The following COG8 variants were observed in gnomAD, a reference collection of about 807,000 sequenced individuals.
COG8 encodes conserved oligomeric Golgi complex subunit 8.
A neutral mutation model predicts 46.5 loss-of-function variants in COG8; 45 were observed. The ratio of observed to expected loss-of-function variants is 0.97; its 90% CI spans 0.76 to 1.24. COG8 has a LOEUF of 1.24. Among genes scored for constraint, COG8 ranks in the 50% most tolerant of loss-of-function variants. The pLI is 0.00. For synonymous variants in COG8, 407 were observed against 347.8 expected (o/e 1.17, Z -1.90); for missense variants, 793 against 820.8 (o/e 0.97, Z 0.41).
At position 69,334,549 on chromosome 16, in the gene COG8, G is replaced by A; in HGVS notation, c.1385C>T (p.Thr462Ile). The A allele has an allele frequency of 6.2e-7, 1 of 1,614,228 alleles. No individual in the cohort carries two copies. Among genetic ancestry groups the A allele is most frequent in the Middle Eastern group, 1.6e-4 (1 of 6,062 alleles). Residue 462 changes from threonine to isoleucine, a missense_variant, in exon 3 of 6, where the codon ACT (threonine) becomes ATT (isoleucine). Thr to Ile is a moderately conservative substitution (Grantham distance 89). Coordinates refer to ENST00000306875, the MANE Select transcript of COG8 (RefSeq NM_032382.5). Reference sequence around the variant, plus strand: ...GGCAAGGGCATCTTCCAAGGCCCCAGTCACATCCTGCGCCAGGGCCACAGG... The same window carrying A: ...GGCAAGGGCATCTTCCAAGGCCCCAATCACATCCTGCGCCAGGGCCACAGG... ...CCPVALAQDV[T>I]GALEDALAKV...
chr16:69,331,172 G>A lies in COG8; in HGVS notation c.1583-77C>T. 2.6e-6 allele frequency: 4 copies of A among 1,535,938 alleles called. No individual in the cohort carries two copies. In the East Asian group the frequency reaches 9.3e-5, roughly 36 times the overall value. ...AATATAGAAATTTAAGGGAGGCCGG[G>A]CGCGGTGGCTCACGCCTGTAATCCC... is the stretch of plus-strand genomic sequence containing the variant. On this transcript the variant is annotated intron_variant, in intron 4 of 5. Transcript: ENST00000306875.
At chr16:69,337,807 C>T (rs905691087) in intron 1 of COG8, among the ~76,000 whole-genome samples, 1 of 150,962 alleles carries the variant, frequency 6.6e-6, no homozygotes, top group African/African-American at 2.4e-5. Context: ...ATCATCTTGG[C>T]TCACTGCAAC....
At position 69,335,070 on chromosome 16, in the gene COG8, C is replaced by T. The variant is rs745312132; in HGVS notation, c.864G>A (p.Gln288=). The part of the protein sequence containing the change: ...SRVHLFDIIT[Q]YRAIFSDEDP... ...CCTCGTCTGAGAAGATGGCACGGTA[C>T]TGGGTGATGATATCAAAGAGATGGA... is the stretch of plus-strand genomic sequence containing the variant. The change falls in exon 3 of 6, where the codon CAG becomes CAA. Residue 288 remains glutamine, a synonymous_variant. Coordinates refer to ENST00000306875, the MANE Select transcript of COG8 (RefSeq NM_032382.5). The T allele has an allele frequency of 5.6e-6, 9 of 1,614,056 alleles. No homozygotes were observed. The highest frequency in any genetic ancestry group is 7.6e-6 in the Non-Finnish European group (9 of 1,180,042).
intron 5 of COG8, chr16:69,330,096 G>C: frequency 6.3e-7 from 1 of 1,579,350 alleles, no homozygotes; most frequent in Admixed American, 1.8e-5. Context: ...TCAAGCACTC[G>C]CAGGCTGGGG....
intron 4 of COG8, 30 bp from the exon 5 acceptor site, chr16:69,331,125 A>G (rs1398611090): frequency 6.2e-7 from 1 of 1,612,422 alleles, no homozygotes; most frequent in East Asian, 2.2e-5. Flanking sequence ...AGCAAAATGG[A>G]AAACAGTTAC....
rs202134146 is a variant in COG8, at chr16:69,332,828, C to A, written c.1468G>T (p.Gly490Trp). 18 of 1,614,210 alleles carry A rather than the reference C, an allele frequency of 1.1e-5. No individual in the cohort carries two copies. In the East Asian group the frequency reaches 3.8e-4, roughly 34 times the overall value. Reference protein sequence around the residue: ...HRAEEAAFSSGEQELFVQFCT... With the variant: ...HRAEEAAFSSWEQELFVQFCT... ...AACTGGACAAAGAGCTCTTGCTCCC[C>A]GCTGCTGAAGGCAGCCTCTTCAGCG... Residue 490 changes from glycine to tryptophan, a missense_variant, in exon 4 of 6, where the codon GGG (glycine) becomes TGG (tryptophan). Physicochemically the swap from Gly to Trp is radical, Grantham distance 184. Transcript: ENST00000306875.
intron 5 of COG8, chr16:69,329,847 T>C: frequency 2.0e-6 from 2 of 1,003,086 alleles, no homozygotes; most frequent in Non-Finnish European, 2.8e-6. Context: ...CAGGAGCTTC[T>C]ATCCGTCCTG....
chr16:69,332,694 C>G lies in COG8; in HGVS notation c.1582+20G>C, dbSNP rs368649259. ...AATTACACATCAGTAAGGCAGTTTA[C>G]AGAATTTTCATTCTCTTACCTAAAG... is the stretch of plus-strand genomic sequence containing the variant. On this transcript the variant is annotated intron_variant, in intron 4 of 5. Transcript: ENST00000306875. 2.5e-6 allele frequency: 4 copies of G among 1,606,472 alleles called. No homozygotes were observed. The highest frequency in any genetic ancestry group is 3.4e-6 in the Non-Finnish European group (4 of 1,173,118).
Position 69,336,490 on chromosome 16 carries a change from G to T in COG8, c.585+15C>A. The T allele has an allele frequency of 6.2e-7, 1 of 1,612,472 alleles. No individual in the cohort carries two copies. Among genetic ancestry groups the T allele is most frequent in the South Asian group, 1.1e-5 (1 of 90,992 alleles). On this transcript the variant is annotated intron_variant, in intron 2 of 5. Transcript: ENST00000306875. ...AAGAACATTACTTTGAGTCCTCTCT[G>T]GGCAAGGTGGCTACCTGGATGACAG...
Position 69,326,457 on chromosome 16 carries a change from C to CTA in COG8, c.*2747_*2748dup, listed in dbSNP as rs1053976883. ...CTTACAAGTTTTTAAATTTTTACTT[C>CTA]TAGTTACATTTACTTGAATCAGAAC... On this transcript the variant is annotated 3_prime_UTR_variant, in exon 6 of 6. Coordinates refer to ENST00000306875, the MANE Select transcript of COG8 (RefSeq NM_032382.5). The CTA allele has an allele frequency of 2.0e-5, 3 of 152,332 alleles. No homozygotes were observed. Among genetic ancestry groups the CTA allele is most frequent in the African/African-American group, 7.2e-5 (3 of 41,568 alleles). The allele number at this position is 152,332 out of a possible 1,614,324, so 9.4% of individuals were successfully genotyped here.
Position 69,334,705 on chromosome 16 carries a change from T to C in COG8, c.1229A>G (p.Asn410Ser). 6.2e-7 allele frequency: 1 copy of C among 1,614,186 alleles called. No homozygotes were observed. The highest frequency in any genetic ancestry group is 8.5e-7 in the Non-Finnish European group (1 of 1,180,030). Residue 410 changes from asparagine (N) to serine (S), a missense_variant, in exon 3 of 6, where the codon AAC (asparagine) becomes AGC (serine). By Grantham distance (46) the Asn-to-Ser change is conservative. Coordinates refer to ENST00000306875, the MANE Select transcript of COG8 (RefSeq NM_032382.5). ...GGTGGCTGGCACAGCAGCAGGCATG[T>C]TACTGGTGCCCAGGATGGCTGGAGC... The part of the protein sequence containing the change: ...ISAPAILGTS[N>S]MPAAVPATQP...
At chr16:69,330,661 C>G (rs148264366) in intron 5 of COG8, 152 bp downstream of exon 5, 2 of 1,401,024 alleles carry the variant, frequency 1.4e-6, no homozygotes, top group Admixed American at 3.1e-5. Context: ...ACAGCGAAGC[C>G]GCGACTGGAT....
chr16:69,332,205 C>A (rs1375061947), intron 4 of COG8, among the ~76,000 whole-genome samples: 3 of 152,068 alleles, frequency 2.0e-5, no homozygotes, highest in Admixed American at 6.6e-5. Flanking sequence ...CAAAAATTAG[C>A]TGGGCGTGGT....
Position 69,327,836 on chromosome 16 carries a change from A to AC in COG8, c.*1369dup, listed in dbSNP as rs1344759578. On this transcript the variant is annotated 3_prime_UTR_variant, in exon 6 of 6. Transcript: ENST00000306875. Reference sequence around the variant, plus strand: ...AGGCCAGCCTGGGCAACATAGTAAGACCCCCGTCTCTATCTTAAAAAAAAA... The same window carrying AC: ...AGGCCAGCCTGGGCAACATAGTAAGACCCCCCGTCTCTATCTTAAAAAAAAA... 7 of 150,744 alleles carry AC rather than the reference A, an allele frequency of 4.6e-5. No homozygotes were observed. The South Asian group carries it at 6.3e-4, about 14-fold the overall frequency. The allele number at this position is 150,744 out of a possible 1,614,324, so 9.3% of individuals were successfully genotyped here.
At chr16:69,330,042 C>T in intron 5 of COG8, 2 of 1,548,422 alleles carry the variant, frequency 1.3e-6, no homozygotes, top group Non-Finnish European at 1.7e-6. Context: ...GCCAGGAAGC[C>T]GGCGACGCTC....
In COG8 at chr16:69,330,571, G is replaced by A. The variant is rs2011732923; in HGVS notation, c.*26+242C>T. 6 of 1,458,924 alleles carry A rather than the reference G, an allele frequency of 4.1e-6. No homozygotes were observed. In the East Asian group the frequency reaches 1.4e-4, roughly 35 times the overall value. 90.4% of individuals were successfully genotyped at this position (1,458,924 alleles called of 1,614,324 possible). A position where few individuals can be genotyped will look rare whatever the true frequency, so the allele number is the denominator to read the frequency against. On this transcript the variant is annotated intron_variant, in intron 5 of 5. Transcript: ENST00000306875. ...TCAGCGCGCCCCACAGCCGGGCCAT[G>A]GCGGCCCCCTTAACAGTGACCCGGC...
At position 69,334,802 on chromosome 16, in the gene COG8, T is replaced by G; in HGVS notation, c.1132A>C (p.Thr378Pro). Residue 378 changes from threonine to proline, a missense_variant, in exon 3 of 6, where the codon ACT (threonine) becomes CCT (proline). Thr to Pro is a conservative substitution (Grantham distance 38). Transcript: ENST00000306875. ...APVFQRVAIS[T>P]FQKAIQETVE... The stretch of plus-strand genomic sequence containing the variant: ...GTTTCCTGAATTGCTTTCTGGAAAG[T>G]GCTGATGGCCACCCGCTGGAAAACA... 6.2e-7 allele frequency: 1 copy of G among 1,614,168 alleles called. No individual in the cohort carries two copies. Among genetic ancestry groups the G allele is most frequent in the African/African-American group, 1.3e-5 (1 of 75,050 alleles).
In COG8 at chr16:69,328,876, C is replaced by A. The variant is rs1055399; in HGVS notation, c.*330G>T. The stretch of plus-strand genomic sequence containing the variant: ...TCAGGGCAAACATTTCTGACATCTT[C>A]CTCCAGCTCAGTCTGCCATGCCTTG... On this transcript the variant is annotated 3_prime_UTR_variant, in exon 6 of 6. Transcript: ENST00000306875. The A allele has an allele frequency of 0.069, 72,113 of 1,047,084 alleles. 2,907 individuals carry two copies. Among genetic ancestry groups the A allele is most frequent in the South Asian group, 0.15 (8,753 of 60,256 alleles). The allele number at this position is 1,047,084 out of a possible 1,614,324, so 64.9% of individuals were successfully genotyped here.
chr16:69,331,195 C>T (rs1189736585), intron 4 of COG8, 100 bp from the exon 5 acceptor site: 61 of 1,368,184 alleles, frequency 4.5e-5, no homozygotes, highest in Non-Finnish European at 5.5e-5. Flanking sequence ...CGCCTGTAAT[C>T]CCAGCACTTT....
Sources: allele counts gnomAD v4.1 joint callset (sites outside exome capture counted in the v4.1 genomes callset), GRCh38; gene constraint gnomAD v4.1.1; transcripts MANE v1.5; gene names NCBI Gene and HGNC (gene_info 2026-07-23, HGNC 2026-07-21).